Variants in FNTB observed in about 807,000 individuals in gnomAD.
FNTB encodes the protein farnesyltransferase, CAAX box, subunit beta, also known as protein farnesyltransferase subunit beta.
A neutral mutation model predicts 59.4 loss-of-function variants in FNTB; 27 were observed. That is an observed-to-expected ratio of 0.45 (90% confidence interval 0.34 to 0.63). FNTB has a LOEUF of 0.63. Among genes scored for constraint, FNTB ranks in the 20% least tolerant of loss-of-function variants. FNTB has a pLI of 0.02. For missense variants in FNTB, 449 were observed against 559.6 expected (o/e 0.80, Z 1.99); for synonymous variants, 230 against 220.7 (o/e 1.04, Z -0.37).
chr14:65,008,611 G>A (rs2061632706), intron 2 of FNTB, among the ~76,000 whole-genome samples: 1 of 152,258 alleles, frequency 6.6e-6, no homozygotes, highest in South Asian at 2.1e-4. Context: ...GAATCTGTAG[G>A]TGGAATAGGG....
rs2062037462 is a variant in FNTB, at chr14:65,029,268, C to A, written c.605+1487C>A. Reference sequence around the variant, plus strand: ...CTGGTTTCTAGTACCCCGATTCCATCATTTTTCACTTGGCATTTCTTTCAT... The same window carrying A: ...CTGGTTTCTAGTACCCCGATTCCATAATTTTTCACTTGGCATTTCTTTCAT... On this transcript the variant is annotated intron_variant, in intron 6 of 11. Coordinates refer to ENST00000246166, the MANE Select transcript of FNTB (RefSeq NM_002028.4). The surrounding 1 kb of genome is among the most constrained non-coding windows in gnomAD (Gnocchi z 4.7). Among the ~76,000 whole-genome samples, 1 of 152,216 alleles carries A rather than the reference C, an allele frequency of 6.6e-6. No homozygotes were observed. Among genetic ancestry groups the A allele is most frequent in the South Asian group, 2.1e-4 (1 of 4,826 alleles).
Position 65,010,962 on chromosome 14 carries a change from G to A in FNTB, c.210-1355G>A, listed in dbSNP as rs191408640. 7.7e-4 allele frequency among the ~76,000 whole-genome samples: 117 copies of A among 152,224 alleles called. 1 individual carries two copies. The highest frequency in any genetic ancestry group is 6.5e-4 in the Non-Finnish European group (44 of 68,022). ...TCTCCTTCTGCCAGGGCCACTCATC[G>A]CACATTCCTCCTTTTTCACACAAAC... On this transcript the variant is annotated intron_variant, in intron 2 of 11. Coordinates refer to ENST00000246166, the MANE Select transcript of FNTB (RefSeq NM_002028.4).
intron 1 of FNTB, among the ~76,000 whole-genome samples, chr14:64,988,957 T>TGTG (rs1377401082): frequency 1.3e-5 from 2 of 152,134 alleles, no homozygotes; most frequent in Non-Finnish European, 2.9e-5. Flanking sequence ...GCTCTCCATA[T>TGTG]GTGGTATCAT....
In FNTB at chr14:65,061,533, A is replaced by G. The variant is rs990492004; in HGVS notation, c.*221A>G. On this transcript the variant is annotated 3_prime_UTR_variant, in exon 12 of 12. Transcript: ENST00000246166. ...TCCACACCTGTCAAACCAAAAATCT[A>G]TCAGCCCACGTGGTGTGGTTGGTGA... 6.1e-6 allele frequency: 4 copies of G among 655,008 alleles called. No individual in the cohort carries two copies. Among genetic ancestry groups the G allele is most frequent in the African/African-American group, 1.8e-5 (1 of 54,488 alleles). 40.6% of individuals were successfully genotyped at this position (655,008 alleles called of 1,614,324 possible).
intron 9 of FNTB, among the ~76,000 whole-genome samples, chr14:65,045,419 C>G (rs932812723): frequency 6.9e-6 from 1 of 145,292 alleles, no homozygotes; most frequent in African/African-American, 2.6e-5. Context: ...GTCTTCCCCC[C>G]TCCCCGCCGC....
Position 65,054,798 on chromosome 14 carries a change from G to A in FNTB, c.1182+109G>A. The A allele has an allele frequency of 8.1e-7, 1 of 1,234,172 alleles. No individual in the cohort carries two copies. Among genetic ancestry groups the A allele is most frequent in the Non-Finnish European group, 1.1e-6 (1 of 882,290 alleles). 76.5% of individuals were successfully genotyped at this position (1,234,172 alleles called of 1,614,324 possible). A position where few individuals can be genotyped will look rare whatever the true frequency, so the allele number is the denominator to read the frequency against. Reference sequence around the variant, plus strand: ...GCATTTCCTGTGTGGACAGGCGGAAGCTTGTGGTCCCTCTGCCCTTCGAGC... The same window carrying A: ...GCATTTCCTGTGTGGACAGGCGGAAACTTGTGGTCCCTCTGCCCTTCGAGC... On this transcript the variant is annotated intron_variant, in intron 11 of 11. Coordinates refer to ENST00000246166, the MANE Select transcript of FNTB (RefSeq NM_002028.4). This position sits in a 1 kb window ranked among gnomAD's most constrained non-coding sequence, Gnocchi z 4.4.
In FNTB at chr14:65,007,718, G is replaced by A. The variant is rs1251767028; in HGVS notation, c.209+3405G>A. ...AAAATTCATTTTTTCTTCCCTGTGG[G>A]TATTGTCACGGTTTCACACCCTTTT... On this transcript the variant is annotated intron_variant, in intron 2 of 11. Transcript: ENST00000246166. This position sits in a 1 kb window ranked among gnomAD's most constrained non-coding sequence, Gnocchi z 4.9. Among the ~76,000 whole-genome samples the A allele has an allele frequency of 6.6e-6, 1 of 152,098 alleles. No individual in the cohort carries two copies. The highest frequency in any genetic ancestry group is 6.5e-5 in the Admixed American group (1 of 15,272).
rs2062049660 is a variant in FNTB at position 65,030,044 on chromosome 14, A to G, written c.605+2263A>G. Among the ~76,000 whole-genome samples, 1 of 152,070 alleles carries G rather than the reference A, an allele frequency of 6.6e-6. No homozygotes were observed. On this transcript the variant is annotated intron_variant, in intron 6 of 11. Coordinates refer to ENST00000246166, the MANE Select transcript of FNTB (RefSeq NM_002028.4). This position sits in a 1 kb window ranked among gnomAD's most constrained non-coding sequence, Gnocchi z 4.5. ...GGGGAGAAATACATGAAAAGGTTGTATTACGTTTCCTCCCCATCTCAGCGT... is the reference window on the plus strand; with the variant it reads ...GGGGAGAAATACATGAAAAGGTTGTGTTACGTTTCCTCCCCATCTCAGCGT...
rs1224440622 is a variant in FNTB at position 65,023,910 on chromosome 14, G to A, written c.375-3543G>A. Reference sequence around the variant, plus strand: ...GAGCTCGGGAGTTCGAGACCAGCCTGGGCAACACAGTGAAACCCTGACTCT... The same window carrying A: ...GAGCTCGGGAGTTCGAGACCAGCCTAGGCAACACAGTGAAACCCTGACTCT... On this transcript the variant is annotated intron_variant, in intron 4 of 11. Coordinates refer to ENST00000246166, the MANE Select transcript of FNTB (RefSeq NM_002028.4). This position sits in a 1 kb window ranked among gnomAD's most constrained non-coding sequence, Gnocchi z 4.1. Among the ~76,000 whole-genome samples, 3 of 152,078 alleles carry A rather than the reference G, an allele frequency of 2.0e-5. No individual in the cohort carries two copies. Among genetic ancestry groups the A allele is most frequent in the Admixed American group, 6.6e-5 (1 of 15,260 alleles).
At position 64,987,465 on chromosome 14, in the gene FNTB, T is replaced by A. The variant is rs76167428; in HGVS notation, c.144+368T>A. 7.3e-3 allele frequency: 1,842 copies of A among 251,714 alleles called. 38 individuals are homozygous for A. The highest frequency in any genetic ancestry group is 0.038 in the African/African-American group (1,744 of 46,304). 15.6% of individuals were successfully genotyped at this position (251,714 alleles called of 1,614,324 possible). On this transcript the variant is annotated intron_variant, in intron 1 of 11. Transcript: ENST00000246166. ...GGAGGTTCTGGGGTGCATAGTGCAC[T>A]TTTCCCAACCTGCCCTCAGCTTCTG...
At chr14:65,026,946 G>A (rs2061993720) in intron 4 of FNTB, among the ~76,000 whole-genome samples, 1 of 152,162 alleles carries the variant, frequency 6.6e-6, no homozygotes, top group Non-Finnish European at 1.5e-5. Context: ...GGCAATGGGA[G>A]TGAGAAGACC....
At position 64,991,638 on chromosome 14, in the gene FNTB, C is replaced by T. The variant is rs1888202079; in HGVS notation, c.144+4541C>T. ...AAAAATAAGAAGAATATGCTATAGG[C>T]AGTCACAGAGTGCTAAATTATAACT... is the stretch of plus-strand genomic sequence containing the variant. On this transcript the variant is annotated intron_variant, in intron 1 of 11. Transcript: ENST00000246166. The surrounding 1 kb of genome is among the most constrained non-coding windows in gnomAD (Gnocchi z 4.4). 6.6e-6 allele frequency among the ~76,000 whole-genome samples: 1 copy of T among 152,128 alleles called. No homozygotes were observed. The highest frequency in any genetic ancestry group is 2.4e-5 in the African/African-American group (1 of 41,430).
At chr14:64,993,941 C>T (rs889305795) in intron 1 of FNTB, among the ~76,000 whole-genome samples, 10 of 151,934 alleles carry the variant, frequency 6.6e-5, no homozygotes, top group African/African-American at 1.7e-4. Context: ...CCGTAACCTC[C>T]GCCTCCTGGG....
chr14:65,040,575 G>A (rs2062328517), intron 7 of FNTB, among the ~76,000 whole-genome samples: 1 of 150,654 alleles, frequency 6.6e-6, no homozygotes, highest in Non-Finnish European at 1.5e-5. Context: ...TGAGCAGCTG[G>A]GATTACACAT....
At chr14:64,988,443 C>CTT (rs1218125017) in intron 1 of FNTB, among the ~76,000 whole-genome samples, 70 of 120,532 alleles carry the variant, frequency 5.8e-4, no homozygotes, top group South Asian at 1.3e-3. Flanking sequence ...ATGGGATTGC[C>CTT]TTTTTTTTTT....
chr14:65,061,149 T>C, intron 11 of FNTB, 32 bp from the exon 12 acceptor site: 1 of 1,612,200 alleles, frequency 6.2e-7, no homozygotes, highest in Non-Finnish European at 8.5e-7. Flanking sequence ...ACCACCGGGG[T>C]GATTAACTGG....
Position 65,027,373 on chromosome 14 carries a change from G to C in FNTB, c.375-80G>C, listed in dbSNP as rs916942945. The C allele has an allele frequency of 1.9e-6, 3 of 1,577,902 alleles. No individual in the cohort carries two copies. The highest frequency in any genetic ancestry group is 2.6e-6 in the Non-Finnish European group (3 of 1,161,918). ...TGAGGGAGTGGGGGATCATTGGAAAGGCCTGGAATCTAGTGGGAATTTGGT... is the reference window on the plus strand; with the variant it reads ...TGAGGGAGTGGGGGATCATTGGAAACGCCTGGAATCTAGTGGGAATTTGGT... On this transcript the variant is annotated intron_variant, in intron 4 of 11. Transcript: ENST00000246166. The surrounding 1 kb of genome is among the most constrained non-coding windows in gnomAD (Gnocchi z 5.7).
chr14:64,995,114 A>G (rs946377305), intron 1 of FNTB, among the ~76,000 whole-genome samples: 5 of 152,190 alleles, frequency 3.3e-5, no homozygotes, highest in African/African-American at 9.7e-5. Context: ...AAACGCACAC[A>G]TTAGCCTGGA....
chr14:64,998,501 C>T (rs1251713170), intron 1 of FNTB, among the ~76,000 whole-genome samples: 2 of 152,194 alleles, frequency 1.3e-5, no homozygotes, highest in East Asian at 1.9e-4. Context: ...GACAGATGTC[C>T]TTGTGGAGAT....
Sources: gnomAD v4.1 joint callset for allele counts (sites outside exome capture counted in the v4.1 genomes callset) on GRCh38, gnomAD v4.1.1 for gene constraint, Gnocchi (gnomAD v3.1) non-coding constraint, MANE v1.5 for transcripts, NCBI Gene and HGNC (gene_info 2026-07-23, HGNC 2026-07-21) for gene names.